Variants in MSANTD2 observed in about 807,000 individuals in gnomAD.
The protein encoded by MSANTD2 is myb/SANT-like DNA-binding domain-containing protein 2.
Under a neutral mutation model 52.6 loss-of-function variants are expected in MSANTD2, and 19 were observed. The ratio of observed to expected loss-of-function variants is 0.36; its 90% CI spans 0.25 to 0.53. The LOEUF (loss-of-function observed/expected upper bound fraction) is 0.53, where lower values mean the gene tolerates loss of function less well. Among genes scored for constraint, MSANTD2 ranks in the 20% least tolerant of loss-of-function variants. The pLI is 0.91. For synonymous variants in MSANTD2, 291 were observed against 289.7 expected, an observed-to-expected ratio of 1.00 and a Z score of -0.04; for missense variants, 558 against 716.3, an observed-to-expected ratio of 0.78 and a Z score of 2.52.
At chr11:124,787,321 A>G (rs1436473870) in intron 1 of MSANTD2, among the ~76,000 whole-genome samples, 4 of 152,252 alleles carry the variant, frequency 2.6e-5, no homozygotes, top group African/African-American at 9.6e-5. Context: ...TCATGTTGAG[A>G]AAAGCAAGCT....
In MSANTD2 at chr11:124,800,150, C is replaced by G; in HGVS notation, c.231G>C (p.Ser77=). The change falls in exon 1 of 4, where the codon TCG becomes TCC. Residue 77 remains serine (S), a synonymous_variant. Coordinates refer to ENST00000374979, the MANE Select transcript of MSANTD2 (RefSeq NM_001308027.2). The surrounding 1 kb of genome is among the most constrained non-coding windows in gnomAD (Gnocchi z 4.3). ...CACCAGGGGAGAAGGAGACCGAGGA[C>G]GAGGCGGCGCTGCGGCCCCCCAGCC... ...GLGLGGRSAA[S]SSVSFSPGGG... is the part of the protein sequence containing the mutation. 2.0e-6 allele frequency: 3 copies of G among 1,473,652 alleles called. No homozygotes were observed. The highest frequency in any genetic ancestry group is 2.7e-6 in the Non-Finnish European group (3 of 1,120,642). 91.3% of individuals were successfully genotyped at this position (1,473,652 alleles called of 1,614,324 possible).
Position 124,767,827 on chromosome 11 carries a change from C to T in MSANTD2, c.1029G>A (p.Lys343=), listed in dbSNP as rs1944359986. The T allele has an allele frequency of 6.2e-7, 1 of 1,614,222 alleles. No homozygotes were observed. Among genetic ancestry groups the T allele is most frequent in the Non-Finnish European group, 8.5e-7 (1 of 1,180,026 alleles). ...AEISSQVPLG[K]RLREYFNSEK... ...CAGAGTTGAAGTACTCCCGAAGTCG[C>T]TTGCCAAGGGGCACCTGGGAGCTGA... The change falls in exon 4 of 4, where the codon AAG becomes AAA. Residue 343 remains lysine (K), a synonymous_variant. Coordinates refer to ENST00000374979, the MANE Select transcript of MSANTD2 (RefSeq NM_001308027.2). The surrounding 1 kb of genome is among the most constrained non-coding windows in gnomAD (Gnocchi z 6.5).
chr11:124,769,380 A>G (rs554474229), intron 3 of MSANTD2, among the ~76,000 whole-genome samples: 2 of 152,282 alleles, frequency 1.3e-5, no homozygotes, highest in Admixed American at 1.3e-4. Context: ...TGAAATCACT[A>G]CCTTCTCAGG....
At chr11:124,771,285 G>A (rs1448543884) in intron 3 of MSANTD2, among the ~76,000 whole-genome samples, 3 of 152,318 alleles carry the variant, frequency 2.0e-5, no homozygotes, top group Admixed American at 6.5e-5. Flanking sequence ...TGATGTGGGC[G>A]ATTAGCTTCT....
chr11:124,791,009 T>G, intron 1 of MSANTD2: 3 of 427,442 alleles, frequency 7.0e-6, no homozygotes, highest in Non-Finnish European at 1.3e-5. Flanking sequence ...TTATGGCCCA[T>G]TAGTGGGTTG....
At chr11:124,787,672 T>C (rs946423319) in intron 1 of MSANTD2, among the ~76,000 whole-genome samples, 14 of 152,368 alleles carry the variant, frequency 9.2e-5, no homozygotes, top group African/African-American at 2.4e-4. Flanking sequence ...GTGAACTCTA[T>C]AGGTAAAAGG....
intron 3 of MSANTD2, among the ~76,000 whole-genome samples, chr11:124,768,342 C>T (rs891923767): frequency 2.0e-5 from 3 of 152,166 alleles, no homozygotes; most frequent in African/African-American, 2.4e-5. Context: ...TCTACAGCCT[C>T]ACTGTATAAT....
intron 3 of MSANTD2, among the ~76,000 whole-genome samples, chr11:124,772,512 C>T (rs1004866034): frequency 2.6e-5 from 4 of 152,134 alleles, no homozygotes; most frequent in Non-Finnish European, 4.4e-5. Flanking sequence ...CTGAGGTGGG[C>T]GGATCACCAG....
At chr11:124,796,757 T>G (rs1945508198) in intron 1 of MSANTD2, among the ~76,000 whole-genome samples, 1 of 152,242 alleles carries the variant, frequency 6.6e-6, no homozygotes, top group South Asian at 2.1e-4. Context: ...CTTTTCCACA[T>G]CTTACTACTT....
In MSANTD2 at chr11:124,774,671, T is replaced by C; in HGVS notation, c.766+48A>G. 6.4e-7 allele frequency: 1 copy of C among 1,571,834 alleles called. No homozygotes were observed. The highest frequency in any genetic ancestry group is 8.7e-7 in the Non-Finnish European group (1 of 1,148,882). On this transcript the variant is annotated intron_variant, in intron 2 of 3. Coordinates refer to ENST00000374979, the MANE Select transcript of MSANTD2 (RefSeq NM_001308027.2). This position sits in a 1 kb window ranked among gnomAD's most constrained non-coding sequence, Gnocchi z 5.1. ...AAGTACTGGTGCACATACATAAAGGTATATAAATATACACAAACATAAGTA... is the reference window on the plus strand; with the variant it reads ...AAGTACTGGTGCACATACATAAAGGCATATAAATATACACAAACATAAGTA...
At chr11:124,790,167 T>C (rs1198482467) in intron 1 of MSANTD2, 1 of 152,218 alleles carries the variant, frequency 6.6e-6, no homozygotes, top group African/African-American at 2.4e-5. Context: ...AAATACTGGA[T>C]CTGAATTTTA....
At chr11:124,797,780 G>T (rs1945540419) in intron 1 of MSANTD2, among the ~76,000 whole-genome samples, 1 of 152,122 alleles carries the variant, frequency 6.6e-6, no homozygotes, top group Admixed American at 6.5e-5. Flanking sequence ...AGAGCTTGAG[G>T]TCAACTTGGT....
chr11:124,778,879 GA>G (rs1369581459), intron 1 of MSANTD2, among the ~76,000 whole-genome samples: 1 of 152,142 alleles, frequency 6.6e-6, no homozygotes, highest in Non-Finnish European at 1.5e-5. Context: ...GGGGGAGGGG[GA>G]AGGTAAACAA....
In MSANTD2 at chr11:124,800,352, G is replaced by T; in HGVS notation, c.29C>A (p.Pro10His). Residue 10 changes from proline to histidine, a missense_variant, in exon 1 of 4, where the codon CCC becomes CAC. Transcript: ENST00000374979. The surrounding 1 kb of genome is among the most constrained non-coding windows in gnomAD (Gnocchi z 4.3). MAAPCGSELPANSPLKIPKM... is the reference protein window; with the variant it reads MAAPCGSELHANSPLKIPKM... ...CGGAATTTTTAGCGGCGAGTTGGCG[G>T]GCAGCTCCGAGCCACAGGGCGCAGC... 1 of 1,547,100 alleles carries T rather than the reference G, an allele frequency of 6.5e-7. No homozygotes were observed. Among genetic ancestry groups the T allele is most frequent in the African/African-American group, 1.4e-5 (1 of 70,478 alleles).
At chr11:124,793,988 T>C (rs1945415490) in intron 1 of MSANTD2, among the ~76,000 whole-genome samples, 1 of 152,220 alleles carries the variant, frequency 6.6e-6, no homozygotes, top group Non-Finnish European at 1.5e-5. Flanking sequence ...ACTACTCACA[T>C]ATGCCTATTT....
intron 1 of MSANTD2, among the ~76,000 whole-genome samples, chr11:124,780,650 G>C (rs1203696108): frequency 1.3e-5 from 2 of 152,076 alleles, no homozygotes; most frequent in African/African-American, 4.8e-5. Flanking sequence ...AAAAAATTCT[G>C]CTCTGCATTA....
chr11:124,777,887 A>T (rs1944801461), intron 1 of MSANTD2, among the ~76,000 whole-genome samples: 1 of 141,922 alleles, frequency 7.0e-6, no homozygotes, highest in Non-Finnish European at 1.5e-5. Context: ...AGGCTATTTA[A>T]ATCACATCAA....
At chr11:124,771,320 A>G (rs1430667671) in intron 3 of MSANTD2, among the ~76,000 whole-genome samples, 2 of 152,212 alleles carry the variant, frequency 1.3e-5, no homozygotes, top group Non-Finnish European at 2.9e-5. Context: ...AATAATGGCT[A>G]CAATTTGGGG....
intron 3 of MSANTD2, among the ~76,000 whole-genome samples, chr11:124,771,399 T>C (rs1944515354): frequency 6.6e-6 from 1 of 152,228 alleles, no homozygotes; most frequent in Non-Finnish European, 1.5e-5. Context: ...TGGGAATTCT[T>C]TGATTCCAAA....
Sources: gnomAD v4.1 joint callset for allele counts (sites outside exome capture counted in the v4.1 genomes callset) on GRCh38, gnomAD v4.1.1 for gene constraint, Gnocchi (gnomAD v3.1) non-coding constraint, MANE v1.5 for transcripts, NCBI Gene and HGNC (gene_info 2026-07-23, HGNC 2026-07-21) for gene names.